The following TRPC7 variants were observed in gnomAD, a reference collection of about 807,000 sequenced individuals.
The protein encoded by TRPC7 is short transient receptor potential channel 7.
Under a neutral mutation model 90.1 loss-of-function variants are expected in TRPC7, and 42 were observed. That is an observed-to-expected ratio of 0.47 (90% CI 0.36 to 0.60). The LOEUF (loss-of-function observed/expected upper bound fraction) is 0.60. Ranked by LOEUF, TRPC7 falls within the 20% of genes least tolerant of loss-of-function variation. TRPC7 has a pLI of 0.00. For synonymous variants in TRPC7, 451 were observed against 436.3 expected (o/e 1.03, Z -0.42); for missense variants, 955 against 1,112.3 (o/e 0.86, Z 2.01).
chr5:136,334,263 G>C (rs892062101), intron 2 of TRPC7, among the ~76,000 whole-genome samples: 2 of 152,166 alleles, frequency 1.3e-5, no homozygotes, highest in African/African-American at 4.8e-5. Context: ...ATTTAAAAGA[G>C]TAATTAAAGA....
chr5:136,278,734 T>C (rs1370509978), intron 3 of TRPC7, among the ~76,000 whole-genome samples: 1 of 152,068 alleles, frequency 6.6e-6, no homozygotes, highest in Non-Finnish European at 1.5e-5. Flanking sequence ...CAACTTGGGG[T>C]TATTTCATAT....
chr5:136,270,185 C>T lies in TRPC7; in HGVS notation c.1129-3749G>A, dbSNP rs541212795. On this transcript the variant is annotated intron_variant, in intron 4 of 11. Coordinates refer to ENST00000513104, the MANE Select transcript of TRPC7 (RefSeq NM_020389.3). Reference sequence around the variant, plus strand: ...AGAGGGATGTGTGTGTGCGCGCACACGTGGGCGGTGCATTTGCATGCAGCC... The same window carrying T: ...AGAGGGATGTGTGTGTGCGCGCACATGTGGGCGGTGCATTTGCATGCAGCC... Among the ~76,000 whole-genome samples the T allele has an allele frequency of 4.6e-5, 7 of 152,268 alleles. No homozygotes were observed. The East Asian group carries it at 5.8e-4, about 13-fold the overall frequency.
intron 9 of TRPC7, among the ~76,000 whole-genome samples, 176 bp from the exon 10 acceptor site, chr5:136,225,530 G>C: frequency 6.7e-6 from 1 of 148,634 alleles, no homozygotes; most frequent in Admixed American, 6.6e-5. Context: ...AGGACCTTTA[G>C]CTCTGTAGGA....
At position 136,238,979 on chromosome 5, in the gene TRPC7, C is replaced by T. The variant is rs117695793; in HGVS notation, c.1845-7430G>A. ...TAGACCCAAATGATCTTTTTTGACA[C>T]ATAAAGGTCATTTCCAGGTCCCCAG... is the stretch of plus-strand genomic sequence containing the variant. On this transcript the variant is annotated intron_variant, in intron 7 of 11. Coordinates refer to ENST00000513104, the MANE Select transcript of TRPC7 (RefSeq NM_020389.3). Among the ~76,000 whole-genome samples, 263 of 152,150 alleles carry T rather than the reference C, an allele frequency of 1.7e-3. 6 individuals are homozygous for T. The East Asian group carries it at 0.042, about 24-fold the overall frequency.
At chr5:136,275,880 A>T (rs1257875812) in intron 3 of TRPC7, among the ~76,000 whole-genome samples, 1 of 152,218 alleles carries the variant, frequency 6.6e-6, no homozygotes, top group African/African-American at 2.4e-5. Context: ...TAGCAAAACA[A>T]GTCTGTTGAA....
At chr5:136,285,163 G>A (rs925558977) in intron 3 of TRPC7, among the ~76,000 whole-genome samples, 1 of 152,162 alleles carries the variant, frequency 6.6e-6, no homozygotes, top group Non-Finnish European at 1.5e-5. Flanking sequence ...TGTGAGTCGT[G>A]CTAAGATGAA....
intron 3 of TRPC7, among the ~76,000 whole-genome samples, chr5:136,299,923 C>A (rs186130997): frequency 3.3e-5 from 5 of 152,146 alleles, no homozygotes; most frequent in African/African-American, 4.8e-5. Context: ...TTCCTATTAA[C>A]CCCCAAATCA....
chr5:136,261,540 G>A (rs1756858012), intron 5 of TRPC7, among the ~76,000 whole-genome samples: 1 of 152,116 alleles, frequency 6.6e-6, no homozygotes, highest in Non-Finnish European at 1.5e-5. Context: ...TGCTTCCAAA[G>A]CTGATTGTCA....
At chr5:136,294,035 T>C (rs200738741) in intron 3 of TRPC7, among the ~76,000 whole-genome samples, 1 of 152,038 alleles carries the variant, frequency 6.6e-6, no homozygotes, top group African/African-American at 2.4e-5. Context: ...AAACAAGCAA[T>C]GAGGAAAGGA....
intron 3 of TRPC7, among the ~76,000 whole-genome samples, 156 bp from the exon 4 acceptor site, chr5:136,274,993 A>G (rs1209560627): frequency 2.0e-5 from 3 of 152,086 alleles, no homozygotes; most frequent in Non-Finnish European, 4.4e-5. Flanking sequence ...AGGCGTAGGA[A>G]GGGGGCCTTC....
chr5:136,341,048 C>T (rs1462055097), intron 2 of TRPC7, among the ~76,000 whole-genome samples: 1 of 152,174 alleles, frequency 6.6e-6, no homozygotes, highest in Non-Finnish European at 1.5e-5. Context: ...AGGCTGCCTT[C>T]TGGGAGGGCA....
intron 3 of TRPC7, among the ~76,000 whole-genome samples, chr5:136,277,378 A>G (rs1757398411): frequency 6.6e-6 from 1 of 152,240 alleles, no homozygotes; most frequent in East Asian, 1.9e-4. Context: ...TTGTAGATAG[A>G]CTTTATGATG....
rs776912960 is a variant in TRPC7 at position 136,322,037 on chromosome 5, C to T, written c.781-6258G>A. Among the ~76,000 whole-genome samples the T allele has an allele frequency of 7.0e-4, 105 of 150,710 alleles. 1 individual carries two copies. The highest frequency in any genetic ancestry group is 2.2e-3 in the African/African-American group (91 of 40,898). ...GTACAAGATTTTTTTTTTTTTAAGA[C>T]GGAGTTTCACTCTGTTGTCCAGGCT... On this transcript the variant is annotated intron_variant, in intron 2 of 11. Coordinates refer to ENST00000513104, the MANE Select transcript of TRPC7 (RefSeq NM_020389.3).
intron 2 of TRPC7, among the ~76,000 whole-genome samples, chr5:136,350,595 G>T (rs1161976277): frequency 6.6e-6 from 1 of 152,140 alleles, no homozygotes; most frequent in East Asian, 1.9e-4. Flanking sequence ...AGACACTTAG[G>T]CAGAAAAATA....
At chr5:136,354,696 C>G (rs374125674) in intron 2 of TRPC7, among the ~76,000 whole-genome samples, 2 of 152,234 alleles carry the variant, frequency 1.3e-5, no homozygotes, top group Admixed American at 1.3e-4. Flanking sequence ...CCCTTTCCTA[C>G]AAGACAACCT....
At chr5:136,298,800 A>G (rs761621846) in intron 3 of TRPC7, among the ~76,000 whole-genome samples, 26 of 152,184 alleles carry the variant, frequency 1.7e-4, no homozygotes, top group Non-Finnish European at 1.9e-4. Context: ...TGCCCCTTCA[A>G]TGCAGGTTTC....
intron 10 of TRPC7, among the ~76,000 whole-genome samples, chr5:136,218,306 C>T (rs1241463894): frequency 6.6e-6 from 1 of 151,122 alleles, no homozygotes; most frequent in African/African-American, 2.4e-5. Flanking sequence ...TTGTCCTAAA[C>T]TAGTTCTCAT....
chr5:136,263,589 G>A (rs1164835523), intron 5 of TRPC7, among the ~76,000 whole-genome samples: 8 of 152,094 alleles, frequency 5.3e-5, no homozygotes, highest in Non-Finnish European at 1.2e-4. Context: ...ACACAAAAAT[G>A]ATGAGGAAGG....
At chr5:136,227,237 C>G (rs1423985271) in intron 8 of TRPC7, among the ~76,000 whole-genome samples, 1 of 152,144 alleles carries the variant, frequency 6.6e-6, no homozygotes, top group Non-Finnish European at 1.5e-5. Flanking sequence ...CCTTGAACCT[C>G]TGTCCTAGGA....
Sources: allele counts gnomAD v4.1 joint callset (sites outside exome capture counted in the v4.1 genomes callset), GRCh38; gene constraint gnomAD v4.1.1; transcripts MANE v1.5; gene names NCBI Gene and HGNC (gene_info 2026-07-23, HGNC 2026-07-21).